The following TNS1 variants were observed in gnomAD, a reference collection of about 807,000 sequenced individuals.
TNS1 encodes the protein tensin-1.
Under a neutral mutation model 168.6 loss-of-function variants are expected in TNS1, and 62 were observed. The observed-to-expected ratio is 0.37, with a 90% CI of 0.30 to 0.45. TNS1 has a LOEUF of 0.45. TNS1 is among the 20% of genes least tolerant of loss of function. TNS1 has a pLI of 1.00. For missense variants in TNS1, 2,240 were observed against 2,339.4 expected (o/e 0.96, Z 0.88); for synonymous variants, 934 against 933.2 (o/e 1.00, Z -0.02).
At chr2:217,852,385 G>C (rs2125469724) in intron 18 of TNS1, among the ~76,000 whole-genome samples, 1 of 152,206 alleles carries the variant, frequency 6.6e-6, no homozygotes, top group African/African-American at 2.4e-5. Flanking sequence ...TTCCCTCCTG[G>C]GCCAGTGATC....
upstream of TNS1, among the ~76,000 whole-genome samples, chr2:218,003,589 C>G (rs995751770): frequency 1.3e-5 from 2 of 152,224 alleles, no homozygotes; most frequent in African/African-American, 4.8e-5. Flanking sequence ...GCCCTGCCCC[C>G]AGGCTGTGGG....
At chr2:217,978,671 C>T in intron 3 of TNS1, 94 bp downstream of exon 3, 1 of 653,638 alleles carries the variant, frequency 1.5e-6, no homozygotes, top group Non-Finnish European at 2.8e-6. Flanking sequence ...CCCCGGGCAC[C>T]GCCCCCGCCC....
intron 6 of TNS1, among the ~76,000 whole-genome samples, chr2:217,905,961 G>T (rs1285501157): frequency 1.3e-5 from 2 of 152,242 alleles, no homozygotes; most frequent in African/African-American, 4.8e-5. Context: ...ACTTCCCCAA[G>T]GACTAAGACC....
chr2:218,020,723 T>C (rs1297512620), intron 1 of TNS1, among the ~76,000 whole-genome samples: 1 of 152,214 alleles, frequency 6.6e-6, no homozygotes, highest in East Asian at 1.9e-4. Context: ...GTTTGCTACC[T>C]GACCGTGACC....
In TNS1 at chr2:217,948,121, T is replaced by C. The variant is rs1187688894; in HGVS notation, c.187-27885A>G. On this transcript the variant is annotated intron_variant, in intron 3 of 32. Coordinates refer to ENST00000682258, the MANE Select transcript of TNS1 (RefSeq NM_001387777.1). The surrounding 1 kb of genome is among the most constrained non-coding windows in gnomAD (Gnocchi z 4.1). Reference sequence around the variant, plus strand: ...TCCGGAGGGCACCACATCACCCGACTCCCACACTCAAGGAGCCAGACTCTC... The same window carrying C: ...TCCGGAGGGCACCACATCACCCGACCCCCACACTCAAGGAGCCAGACTCTC... 6.6e-6 allele frequency among the ~76,000 whole-genome samples: 1 copy of C among 152,140 alleles called. No homozygotes were observed. Among genetic ancestry groups the C allele is most frequent in the African/African-American group, 2.4e-5 (1 of 41,422 alleles).
At chr2:217,977,139 G>T (rs967350741) in intron 3 of TNS1, among the ~76,000 whole-genome samples, 3 of 152,204 alleles carry the variant, frequency 2.0e-5, no homozygotes, top group African/African-American at 7.2e-5. Flanking sequence ...AAAAGAAAAG[G>T]TTGCAGGAAG....
chr2:217,822,446 T>G (rs1343803206), intron 22 of TNS1, among the ~76,000 whole-genome samples: 2 of 152,142 alleles, frequency 1.3e-5, no homozygotes, highest in African/African-American at 4.8e-5. Flanking sequence ...AGGCCTGCAC[T>G]GGTGAGTCTT....
At chr2:217,873,687 C>T (rs1255182403) in intron 18 of TNS1, among the ~76,000 whole-genome samples, 1 of 152,154 alleles carries the variant, frequency 6.6e-6, no homozygotes. Context: ...TCCTGAGCAT[C>T]TGAACAGAAC....
chr2:217,818,489 G>A lies in TNS1; in HGVS notation c.3843C>T (p.Ser1281=). 1 of 1,614,246 alleles carries A rather than the reference G, an allele frequency of 6.2e-7. No individual in the cohort carries two copies. The highest frequency in any genetic ancestry group is 8.5e-7 in the Non-Finnish European group (1 of 1,180,046). The change falls in exon 24 of 33, where the codon AGC becomes AGT. Residue 1281 remains serine, a synonymous_variant. Coordinates refer to ENST00000682258, the MANE Select transcript of TNS1 (RefSeq NM_001387777.1). The stretch of plus-strand genomic sequence containing the variant: ...CCACTGTTCTGTGGCGCGCCTGAGG[G>A]CTCCCAGGCACCGTGTGGACGCCAG... ...SVAGVHTVPG[S]PQARHRTVGT... is the part of the protein sequence containing the mutation.
Position 217,809,584 on chromosome 2 carries a change from C to G in TNS1, c.5273+239G>C, listed in dbSNP as rs201700008. On this transcript the variant is annotated intron_variant, in intron 30 of 32. Coordinates refer to ENST00000682258, the MANE Select transcript of TNS1 (RefSeq NM_001387777.1). ...GGATGGATGGATGGATGGATAGGTG[C>G]ATGGATGGATGGATGGATGGATGGA... 0.024 allele frequency: 1,561 copies of G among 66,316 alleles called. 523 individuals carry two copies. The African/African-American group carries it at 0.26, about 11-fold the overall frequency. The allele number at this position is 66,316 out of a possible 1,614,324, so 4.1% of individuals were successfully genotyped here. A position where few individuals can be genotyped will look rare whatever the true frequency, so the allele number is the denominator to read the frequency against.
At chr2:218,020,691 T>TG (rs1454561090) in intron 1 of TNS1, among the ~76,000 whole-genome samples, 1 of 152,192 alleles carries the variant, frequency 6.6e-6, no homozygotes, top group Non-Finnish European at 1.5e-5. Flanking sequence ...GTTAAAGGCC[T>TG]GGGGGCTAGC....
intron 19 of TNS1, chr2:217,841,299 A>C (rs928980430): frequency 4.2e-5 from 41 of 983,034 alleles, no homozygotes; most frequent in Non-Finnish European, 4.7e-5. Flanking sequence ...CCCACCCCCC[A>C]CCCCAGGGGA....
At chr2:217,991,131 G>A in intron 1 of TNS1, 75 bp from the exon 2 acceptor site, 1 of 505,602 alleles carries the variant, frequency 2.0e-6, no homozygotes, top group Non-Finnish European at 3.6e-6. Context: ...GGAGCCTGGG[G>A]GAGAGGTAGG....
chr2:217,821,439 C>T (rs78119237), intron 23 of TNS1, among the ~76,000 whole-genome samples: 2,270 of 152,280 alleles, frequency 0.015, 33 homozygotes, highest in Non-Finnish European at 0.022. Context: ...GGTAGATTTT[C>T]AACTTGGGGA....
At chr2:217,917,193 A>G (rs1003756271) in intron 4 of TNS1, among the ~76,000 whole-genome samples, 2 of 151,966 alleles carry the variant, frequency 1.3e-5, no homozygotes, top group African/African-American at 2.4e-5. Context: ...TTTAGGACTC[A>G]ACAGCCCCAC....
chr2:217,962,181 C>T (rs1333532460), intron 3 of TNS1, among the ~76,000 whole-genome samples: 1 of 152,214 alleles, frequency 6.6e-6, no homozygotes, highest in African/African-American at 2.4e-5. Context: ...AGGTGACTCA[C>T]GCCTATAATC....
At chr2:217,957,602 T>C (rs374495382) in intron 3 of TNS1, among the ~76,000 whole-genome samples, 86 of 152,318 alleles carry the variant, frequency 5.6e-4, no homozygotes, top group East Asian at 3.7e-3. Context: ...ACAGCTTCTA[T>C]GTTCTTCTGC....
At chr2:217,817,149 T>TATGGAC (rs1284030768) in intron 24 of TNS1, among the ~76,000 whole-genome samples, 1 of 152,102 alleles carries the variant, frequency 6.6e-6, no homozygotes, top group Non-Finnish European at 1.5e-5. Context: ...ACCCCCAAGA[T>TATGGAC]ATGGACACAT....
chr2:218,031,181 T>G (rs1229836924), intron 1 of TNS1, among the ~76,000 whole-genome samples: 6 of 145,950 alleles, frequency 4.1e-5, no homozygotes, highest in Non-Finnish European at 9.0e-5. Flanking sequence ...CTTGTGTGAG[T>G]GTGAATGTGT....
Sources: allele counts gnomAD v4.1 joint callset (sites outside exome capture counted in the v4.1 genomes callset), GRCh38; gene constraint gnomAD v4.1.1; non-coding constraint Gnocchi (gnomAD v3.1); transcripts MANE v1.5; gene names NCBI Gene and HGNC (gene_info 2026-07-23, HGNC 2026-07-21).